Variants in RNF220 observed in about 807,000 individuals in gnomAD.
RNF220 encodes E3 ubiquitin-protein ligase RNF220.
In RNF220, 7 loss-of-function variants were observed where a neutral mutation model predicts 67.1. That is an observed-to-expected ratio of 0.10 (90% CI 0.06 to 0.20). RNF220 has a LOEUF of 0.20. Among genes scored for constraint, RNF220 ranks in the 10% least tolerant of loss-of-function variants. The pLI, the probability that RNF220 is intolerant of heterozygous loss-of-function variation, is 1.00. For missense variants in RNF220, 565 were observed against 740.3 expected (o/e 0.76, Z 2.75); for synonymous variants, 270 against 283.2 (o/e 0.95, Z 0.47).
intron 2 of RNF220, among the ~76,000 whole-genome samples, chr1:44,580,605 G>A (rs906423429): frequency 3.3e-5 from 5 of 152,222 alleles, no homozygotes; most frequent in East Asian, 3.8e-4. Flanking sequence ...CAGCAAAGCC[G>A]CCTGAGGATG....
intron 2 of RNF220, among the ~76,000 whole-genome samples, chr1:44,563,880 AG>A (rs1357750929): frequency 6.6e-6 from 1 of 152,046 alleles, no homozygotes; most frequent in African/African-American, 2.4e-5. Context: ...TGAGCCCCTT[AG>A]GGTTTCCCAG....
At chr1:44,538,890 TG>T (rs1661447788) in intron 2 of RNF220, among the ~76,000 whole-genome samples, 1 of 123,026 alleles carries the variant, frequency 8.1e-6, no homozygotes, top group African/African-American at 3.2e-5. Flanking sequence ...CACTCCAGCC[TG>T]GGCGACAGAG....
At position 44,649,643 on chromosome 1, in the gene RNF220, A is replaced by G. The variant is rs1235300878; in HGVS notation, c.1446-18A>G. The G allele has an allele frequency of 2.5e-6, 4 of 1,612,268 alleles. No homozygotes were observed. The highest frequency in any genetic ancestry group is 1.7e-6 in the Non-Finnish European group (2 of 1,178,494). On this transcript the variant is annotated intron_variant, in intron 12 of 14. Coordinates refer to ENST00000361799, the MANE Select transcript of RNF220 (RefSeq NM_018150.4). The surrounding 1 kb of genome is among the most constrained non-coding windows in gnomAD (Gnocchi z 5.9). ...AGAGATGCCAGCCTGCTACCCAACC[A>G]TGCCTTCCTTTTTACAGAATCACCG...
chr1:44,497,404 G>A (rs1657436373), intron 2 of RNF220, among the ~76,000 whole-genome samples: 1 of 151,766 alleles, frequency 6.6e-6, no homozygotes, highest in East Asian at 1.9e-4. Flanking sequence ...TCTGTGCTTA[G>A]AGACCAAGGT....
At chr1:44,572,645 A>C (rs576716979) in intron 2 of RNF220, among the ~76,000 whole-genome samples, 2 of 151,522 alleles carry the variant, frequency 1.3e-5, no homozygotes, top group South Asian at 4.2e-4. Context: ...CTGCAGCAGC[A>C]AGACCAGCCA....
chr1:44,415,750 G>C (rs1648466122), intron 2 of RNF220, among the ~76,000 whole-genome samples: 1 of 152,168 alleles, frequency 6.6e-6, no homozygotes, highest in Non-Finnish European at 1.5e-5. Context: ...ACTTAGAGCA[G>C]AAGTTTTTAT....
intron 2 of RNF220, among the ~76,000 whole-genome samples, chr1:44,436,392 GTGTGTGTGCTCACACACACACA>G (rs1485903103): frequency 9.6e-5 from 13 of 135,994 alleles, no homozygotes; most frequent in Admixed American, 9.3e-4. Context: ...TGTCGAGATC[GTGTGTGTGCTCACACACACACA>G]TGTGTGAGCA....
chr1:44,527,924 C>A (rs10158339), intron 2 of RNF220, among the ~76,000 whole-genome samples: 87,717 of 91,866 alleles, frequency 0.95, 41,790 homozygotes, highest in Middle Eastern at 0.98. Flanking sequence ...AGACTCCATC[C>A]CAAAAAAAAA....
chr1:44,512,517 C>T (rs902421870), intron 2 of RNF220, among the ~76,000 whole-genome samples: 1 of 152,174 alleles, frequency 6.6e-6, no homozygotes, highest in South Asian at 2.1e-4. Flanking sequence ...AGGGGGTTAG[C>T]TGAGAGGGAG....
chr1:44,408,016 C>G (rs1479531170), intron 1 of RNF220, among the ~76,000 whole-genome samples: 5 of 152,314 alleles, frequency 3.3e-5, no homozygotes, highest in South Asian at 4.1e-4. Flanking sequence ...CAGATTGTTT[C>G]GTGCGGAGGT....
intron 2 of RNF220, among the ~76,000 whole-genome samples, chr1:44,522,641 A>T (rs1486271410): frequency 2.0e-5 from 3 of 152,078 alleles, no homozygotes; most frequent in Non-Finnish European, 4.4e-5. Flanking sequence ...CTTCAGGTAG[A>T]AACATCCCTC....
intron 2 of RNF220, among the ~76,000 whole-genome samples, chr1:44,572,810 C>T (rs147143642): frequency 2.0e-5 from 3 of 152,226 alleles, no homozygotes; most frequent in African/African-American, 4.8e-5. Context: ...TACCAAGTAA[C>T]CTTTATTGTC....
chr1:44,642,138 T>C (rs1308287028), intron 8 of RNF220, among the ~76,000 whole-genome samples: 5 of 152,232 alleles, frequency 3.3e-5, no homozygotes, highest in Non-Finnish European at 1.5e-5. Context: ...CCCTTGCAGC[T>C]TCCACTCTGG....
intron 2 of RNF220, chr1:44,419,591 C>A (rs1233511161): frequency 6.6e-6 from 1 of 152,156 alleles, no homozygotes; most frequent in African/African-American, 2.4e-5. Context: ...ATATTGAATA[C>A]CTTAGTGGTG....
At position 44,606,555 on chromosome 1, in the gene RNF220, G is replaced by A. The variant is rs71653920; in HGVS notation, c.626-7610G>A. Among the ~76,000 whole-genome samples the A allele has an allele frequency of 1.3e-5, 2 of 152,208 alleles. No homozygotes were observed. Among genetic ancestry groups the A allele is most frequent in the Admixed American group, 6.5e-5 (1 of 15,284 alleles). ...ACAGCATTTGACCTTACTGAGGACA[G>A]TAGAGTCCTTGCAACTCTTCCTTTC... On this transcript the variant is annotated intron_variant, in intron 2 of 14. Transcript: ENST00000361799. This position sits in a 1 kb window ranked among gnomAD's most constrained non-coding sequence, Gnocchi z 4.2.
chr1:44,605,502 T>C (rs908200722), intron 2 of RNF220, among the ~76,000 whole-genome samples: 2 of 152,202 alleles, frequency 1.3e-5, no homozygotes, highest in African/African-American at 4.8e-5. Context: ...ACTATGACTA[T>C]TTTCTCACTT....
At chr1:44,472,056 C>A (rs1018872597) in intron 2 of RNF220, among the ~76,000 whole-genome samples, 4 of 152,112 alleles carry the variant, frequency 2.6e-5, no homozygotes, top group African/African-American at 9.7e-5. Context: ...TACTTCATTC[C>A]TTTTTATGGT....
intron 2 of RNF220, among the ~76,000 whole-genome samples, chr1:44,555,145 G>A (rs1662966678): frequency 6.6e-6 from 1 of 151,094 alleles, no homozygotes; most frequent in Admixed American, 6.6e-5. Context: ...ACAGCTCACT[G>A]CAGCCTCCAC....
In RNF220 at chr1:44,645,148, G is replaced by C; in HGVS notation, c.1310+67G>C. ...AGGAAGCCCTGAGGCAGGGGTTAAC[G>C]CAGTACTGACCCTCAGGGCTGTCCT... On this transcript the variant is annotated intron_variant, in intron 10 of 14. Transcript: ENST00000361799. This position sits in a 1 kb window ranked among gnomAD's most constrained non-coding sequence, Gnocchi z 5.0. The C allele has an allele frequency of 6.2e-7, 1 of 1,612,288 alleles. No individual in the cohort carries two copies. The highest frequency in any genetic ancestry group is 8.5e-7 in the Non-Finnish European group (1 of 1,178,312).
Sources: gnomAD v4.1 joint callset for allele counts (sites outside exome capture counted in the v4.1 genomes callset) on GRCh38, gnomAD v4.1.1 for gene constraint, Gnocchi (gnomAD v3.1) non-coding constraint, MANE v1.5 for transcripts, NCBI Gene and HGNC (gene_info 2026-07-23, HGNC 2026-07-21) for gene names.